Variants in PTPRU observed in about 807,000 individuals in gnomAD.
PTPRU encodes protein tyrosine phosphatase receptor type U, also known as receptor-type tyrosine-protein phosphatase U.
PTPRU carries 69 observed loss-of-function variants against 166.3 expected under a neutral mutation model. That is an observed-to-expected ratio of 0.41 (90% CI 0.34 to 0.51). PTPRU has a LOEUF of 0.51. Among genes scored for constraint, PTPRU ranks in the 20% least tolerant of loss-of-function variants. PTPRU has a pLI of 0.09. For synonymous variants in PTPRU, 793 were observed against 814.0 expected (o/e 0.97, Z 0.44); for missense variants, 1,657 against 2,013.7 (o/e 0.82, Z 3.39).
chr1:29,245,562 C>T (rs919773469), intron 1 of PTPRU, among the ~76,000 whole-genome samples: 4 of 152,212 alleles, frequency 2.6e-5, no homozygotes, highest in African/African-American at 7.2e-5. Flanking sequence ...TGTCTCAGCC[C>T]TCTACTTCAC....
chr1:29,256,831 A>G (rs1684792813), intron 2 of PTPRU, among the ~76,000 whole-genome samples: 1 of 152,088 alleles, frequency 6.6e-6, no homozygotes, highest in Non-Finnish European at 1.5e-5. Flanking sequence ...AGTACTGACC[A>G]CCCTGAGTGC....
At chr1:29,304,648 C>G in intron 16 of PTPRU, 126 bp from the exon 17 acceptor site, 1 of 646,450 alleles carries the variant, frequency 1.5e-6, no homozygotes, top group Non-Finnish European at 2.6e-6. Flanking sequence ...ATCTCAGGCC[C>G]AAGTTCAGCT....
intron 1 of PTPRU, among the ~76,000 whole-genome samples, chr1:29,250,501 T>C (rs1338145121): frequency 6.6e-6 from 1 of 152,182 alleles, no homozygotes; most frequent in East Asian, 1.9e-4. Context: ...TTAGGAATAA[T>C]AATAGTACCT....
intron 14 of PTPRU, among the ~76,000 whole-genome samples, chr1:29,287,651 G>T (rs1266935777): frequency 6.6e-6 from 1 of 151,206 alleles, no homozygotes. Context: ...CTAGAGTGCG[G>T]TGGCGCGATC....
chr1:29,319,106 C>T (rs1248918379), intron 25 of PTPRU, among the ~76,000 whole-genome samples: 3 of 152,142 alleles, frequency 2.0e-5, no homozygotes, highest in Non-Finnish European at 4.4e-5. Flanking sequence ...AGGGGCCCAT[C>T]AGTCACTGTC....
At position 29,259,442 on chromosome 1, in the gene PTPRU, C is replaced by T; in HGVS notation, c.560-7C>T. ...GCCCAGCTCACGATGCAGCTCTAACCCCGCAGCAAAGGCCCCACACTTCTC... is the reference window on the plus strand; with the variant it reads ...GCCCAGCTCACGATGCAGCTCTAACTCCGCAGCAAAGGCCCCACACTTCTC... On this transcript the variant is annotated splice_polypyrimidine_tract_variant and splice_region_variant and intron_variant, in intron 4 of 29. Coordinates refer to ENST00000373779, the MANE Select transcript of PTPRU (RefSeq NM_133178.4). The T allele has an allele frequency of 1.2e-6, 2 of 1,610,072 alleles. No individual in the cohort carries two copies. The highest frequency in any genetic ancestry group is 1.7e-6 in the Non-Finnish European group (2 of 1,177,378).
In PTPRU at chr1:29,311,489, G is replaced by A. The variant is rs746543812; in HGVS notation, c.2891G>A (p.Arg964His). The A allele has an allele frequency of 3.2e-5, 51 of 1,614,202 alleles. No homozygotes were observed. The highest frequency in any genetic ancestry group is 4.5e-5 in the East Asian group (2 of 44,882). The change falls in exon 20 of 30, where the codon CGT becomes CAT. Residue 964 changes from arginine (R) to histidine (H), a missense_variant. This residue lies in a region of PTPRU where 1,190 missense variants were observed against 1,477.4 expected (regional missense o/e 0.81). Transcript: ENST00000373779. This position sits in a 1 kb window ranked among gnomAD's most constrained non-coding sequence, Gnocchi z 4.1. The stretch of plus-strand genomic sequence containing the variant: ...CCTGAGATGGTCTATGACTTCTGGC[G>A]TATGGTGTGGCAGGAGCACTGTTCC... ...PKPEMVYDFWRMVWQEHCSSI... is the reference protein window; with the variant it reads ...PKPEMVYDFWHMVWQEHCSSI...
intron 13 of PTPRU, 101 bp from the exon 14 acceptor site, chr1:29,284,630 T>G (rs1686256565): frequency 6.5e-7 from 1 of 1,545,918 alleles, no homozygotes; most frequent in Non-Finnish European, 8.9e-7. Flanking sequence ...TGTAGGGCGG[T>G]TTGTGCAGCC....
Position 29,280,080 on chromosome 1 carries a change from G to A in PTPRU, c.1807G>A (p.Glu603Lys). 1.2e-6 allele frequency: 2 copies of A among 1,613,802 alleles called. No homozygotes were observed. The highest frequency in any genetic ancestry group is 1.7e-6 in the Non-Finnish European group (2 of 1,180,022). Reference protein sequence around the residue: ...DYADMPSPLGESENTITVLLR... With the variant: ...DYADMPSPLGKSENTITVLLR... ...TGCCGACATGCCGTCACCCCTGGGC[G>A]AGTCTGAGAACACCATCACCGTGCT... Residue 603 changes from glutamate (E) to lysine (K), a missense_variant, in exon 11 of 30, where the codon GAG (glutamate) becomes AAG (lysine). Transcript: ENST00000373779. This position sits in a 1 kb window ranked among gnomAD's most constrained non-coding sequence, Gnocchi z 4.2.
chr1:29,270,828 G>T (rs1226475222), intron 7 of PTPRU, among the ~76,000 whole-genome samples: 1 of 152,154 alleles, frequency 6.6e-6, no homozygotes, highest in African/African-American at 2.4e-5. Flanking sequence ...TTAACCAGGT[G>T]CATGGTGGCA....
Position 29,279,943 on chromosome 1 carries a change from A to T in PTPRU, c.1766-96A>T. 1 of 1,280,806 alleles carries T rather than the reference A, an allele frequency of 7.8e-7. No homozygotes were observed. Among genetic ancestry groups the T allele is most frequent in the Non-Finnish European group, 1.1e-6 (1 of 904,374 alleles). The allele number at this position is 1,280,806 out of a possible 1,614,324, so 79.3% of individuals were successfully genotyped here. ...GGAACAAAGAGGCTAAGGCTGAAGT[A>T]GGGGAGATCTGAGGACTGTGGTCAA... On this transcript the variant is annotated intron_variant, in intron 10 of 29. Coordinates refer to ENST00000373779, the MANE Select transcript of PTPRU (RefSeq NM_133178.4). The surrounding 1 kb of genome is among the most constrained non-coding windows in gnomAD (Gnocchi z 5.2).
Position 29,320,850 on chromosome 1 carries a change from A to T in PTPRU, c.3828+25A>T, listed in dbSNP as rs767257150. On this transcript the variant is annotated intron_variant, in intron 26 of 29. Coordinates refer to ENST00000373779, the MANE Select transcript of PTPRU (RefSeq NM_133178.4). This position sits in a 1 kb window ranked among gnomAD's most constrained non-coding sequence, Gnocchi z 5.2. ...GGTGAGGCCTCCACTGGCCAGGCCA[A>T]TGGGCCGCCTGCTCCCAGGTCCTCT... is the stretch of plus-strand genomic sequence containing the variant. 14 of 1,530,232 alleles carry T rather than the reference A, an allele frequency of 9.1e-6. No homozygotes were observed. The highest frequency in any genetic ancestry group is 9.7e-6 in the Non-Finnish European group (11 of 1,130,962). The allele number at this position is 1,530,232 out of a possible 1,614,324, so 94.8% of individuals were successfully genotyped here.
intron 14 of PTPRU, among the ~76,000 whole-genome samples, chr1:29,286,581 G>A (rs781186802): frequency 5.3e-5 from 8 of 152,128 alleles, no homozygotes; most frequent in African/African-American, 1.7e-4. Flanking sequence ...TCCCCCAGCA[G>A]GGGGCCTGAG....
chr1:29,279,176 C>T lies in PTPRU; in HGVS notation c.1563+55C>T. The T allele has an allele frequency of 7.1e-7, 1 of 1,402,898 alleles. No individual in the cohort carries two copies. Among genetic ancestry groups the T allele is most frequent in the Non-Finnish European group, 9.9e-7 (1 of 1,013,156 alleles). 86.9% of individuals were successfully genotyped at this position (1,402,898 alleles called of 1,614,324 possible). A position where few individuals can be genotyped will look rare whatever the true frequency, so the allele number is the denominator to read the frequency against. On this transcript the variant is annotated intron_variant, in intron 9 of 29. Coordinates refer to ENST00000373779, the MANE Select transcript of PTPRU (RefSeq NM_133178.4). The surrounding 1 kb of genome is among the most constrained non-coding windows in gnomAD (Gnocchi z 5.2). ...ACCCTGGTGGAAGGTGAGAGGTGGC[C>T]CTCTTTCTCTCTGCTGCTACAGTAG...
intron 7 of PTPRU, among the ~76,000 whole-genome samples, chr1:29,269,244 A>ATGTTTTT (rs1400657012): frequency 3.6e-5 from 1 of 27,610 alleles, no homozygotes; most frequent in Non-Finnish European, 7.1e-5. Context: ...ATATATATAT[A>ATGTTTTT]TATTTTTTTT....
rs1273213014 is a variant in PTPRU, at chr1:29,236,636, G to A, written c.-9G>A. ...GCCGGGCCCCGGGACGGGCGGCGAC[G>A]CTCCAACCATGGCCCGTGCCCAGGC... On this transcript the variant is annotated 5_prime_UTR_variant, in exon 1 of 30. Coordinates refer to ENST00000373779, the MANE Select transcript of PTPRU (RefSeq NM_133178.4). This position sits in a 1 kb window ranked among gnomAD's most constrained non-coding sequence, Gnocchi z 4.6. 2.4e-6 allele frequency: 3 copies of A among 1,264,320 alleles called. No individual in the cohort carries two copies. The African/African-American group carries it at 4.6e-5, about 20-fold the overall frequency. 78.3% of individuals were successfully genotyped at this position (1,264,320 alleles called of 1,614,324 possible).
chr1:29,291,050 C>T lies in PTPRU; in HGVS notation c.2319-819C>T, dbSNP rs1245096439. On this transcript the variant is annotated intron_variant, in intron 14 of 29. Coordinates refer to ENST00000373779, the MANE Select transcript of PTPRU (RefSeq NM_133178.4). This position sits in a 1 kb window ranked among gnomAD's most constrained non-coding sequence, Gnocchi z 4.1. Reference sequence around the variant, plus strand: ...GTCCTCTGTCCATGGCCCTATCTCCCCACCTCCTTTTCTCCCTCCCACTTT... The same window carrying T: ...GTCCTCTGTCCATGGCCCTATCTCCTCACCTCCTTTTCTCCCTCCCACTTT... 6.6e-6 allele frequency among the ~76,000 whole-genome samples: 1 copy of T among 152,182 alleles called. No individual in the cohort carries two copies. The highest frequency in any genetic ancestry group is 1.5e-5 in the Non-Finnish European group (1 of 68,032).
chr1:29,273,614 G>C (rs1685669725), intron 7 of PTPRU, among the ~76,000 whole-genome samples: 1 of 152,058 alleles, frequency 6.6e-6, no homozygotes, highest in Non-Finnish European at 1.5e-5. Context: ...TGTTGCCCAG[G>C]CTGGTCTCAA....
Position 29,305,455 on chromosome 1 carries a change from C to T in PTPRU, c.2820+27C>T, listed in dbSNP as rs1224103368. On this transcript the variant is annotated intron_variant, in intron 18 of 29. Transcript: ENST00000373779. ...TGAGTGCCTTGCCCTGTCATTTCTG[C>T]AGACCTGGCCCTGCCCGCTCCAGGC... is the stretch of plus-strand genomic sequence containing the variant. The T allele has an allele frequency of 1.2e-5, 20 of 1,602,984 alleles. No homozygotes were observed. In the East Asian group the frequency reaches 1.6e-4, roughly 13 times the overall value.
Sources: gnomAD v4.1 joint callset for allele counts (sites outside exome capture counted in the v4.1 genomes callset) on GRCh38, gnomAD v4.1.1 for gene constraint, gnomAD v4.1.1 regional missense constraint, Gnocchi (gnomAD v3.1) non-coding constraint, MANE v1.5 for transcripts, NCBI Gene and HGNC (gene_info 2026-07-23, HGNC 2026-07-21) for gene names.